The following SGK1 variants were observed in gnomAD, a reference collection of about 807,000 sequenced individuals.
SGK1 encodes serine/threonine-protein kinase Sgk1.
Under a neutral mutation model 64.2 loss-of-function variants are expected in SGK1, and 26 were observed. The observed-to-expected ratio is 0.40, with a 90% CI of 0.30 to 0.56. SGK1 has a LOEUF of 0.56. Ranked by LOEUF, SGK1 falls within the 20% of genes least tolerant of loss-of-function variation. The pLI is 0.38. For missense variants in SGK1, 519 were observed against 645.6 expected (o/e 0.80, Z 2.12); for synonymous variants, 265 against 239.7 (o/e 1.11, Z -0.98).
chr6:134,228,200 C>G (rs1776218541), intron 2 of SGK1, among the ~76,000 whole-genome samples: 1 of 152,084 alleles, frequency 6.6e-6, no homozygotes, highest in African/African-American at 2.4e-5. Flanking sequence ...GGTGATCCAC[C>G]CGCCTCGGCC....
chr6:134,232,417 A>AAGAGAGAGAGAGAGAGAG (rs1562259714), intron 2 of SGK1, among the ~76,000 whole-genome samples: 3 of 21,506 alleles, frequency 1.4e-4, no homozygotes, highest in African/African-American at 4.2e-4. Context: ...AAGAAAGAGA[A>AAGAGAGAGAGAGAGAGAG]AGAAAGAAAG....
chr6:134,249,885 T>C (rs1776580909), intron 2 of SGK1, among the ~76,000 whole-genome samples: 2 of 152,204 alleles, frequency 1.3e-5, no homozygotes, highest in Non-Finnish European at 2.9e-5. Flanking sequence ...AGAACCGTAA[T>C]GGTCATCAAT....
intron 2 of SGK1, among the ~76,000 whole-genome samples, chr6:134,212,080 G>A (rs1291607351): frequency 1.3e-5 from 2 of 150,620 alleles, no homozygotes; most frequent in East Asian, 2.0e-4. Context: ...GGGGGACGGA[G>A]TCTCTCTCTG....
intron 1 of SGK1, among the ~76,000 whole-genome samples, chr6:134,309,381 C>T (rs1045261319): frequency 1.3e-5 from 2 of 152,194 alleles, no homozygotes; most frequent in Non-Finnish European, 2.9e-5. Flanking sequence ...GCACCTCCTT[C>T]ACCTCCTCCA....
chr6:134,197,275 A>G (rs1298414711), intron 3 of SGK1, among the ~76,000 whole-genome samples: 2 of 152,134 alleles, frequency 1.3e-5, no homozygotes, highest in African/African-American at 2.4e-5. Context: ...CCTAATGTAC[A>G]GGAAATTATT....
chr6:134,199,970 A>G (rs1042515516), intron 3 of SGK1, among the ~76,000 whole-genome samples: 2 of 152,218 alleles, frequency 1.3e-5, no homozygotes, highest in African/African-American at 4.8e-5. Context: ...TCTCTAAGCA[A>G]AGAACATTAT....
chr6:134,216,585 C>T (rs1297600648), intron 2 of SGK1, among the ~76,000 whole-genome samples: 2 of 152,180 alleles, frequency 1.3e-5, no homozygotes, highest in Non-Finnish European at 2.9e-5. Context: ...TTTTAAGAAA[C>T]TACTACCCTA....
chr6:134,213,574 T>G lies in SGK1; in HGVS notation c.286-6143A>C, dbSNP rs866247453. ...AATGTCCTCATGAAACACCTGTGGC[T>G]TAGCATTCCAGCCTGGGTGACAAGA... On this transcript the variant is annotated intron_variant, in intron 2 of 13. Transcript: ENST00000367858. Among the ~76,000 whole-genome samples the G allele has an allele frequency of 1.7e-4, 18 of 104,938 alleles. 1 individual carries two copies. The highest frequency in any genetic ancestry group is 8.9e-4 in the African/African-American group (18 of 20,232). 68.8% of individuals were successfully genotyped at this position (104,938 alleles called of 152,430 possible).
intron 1 of SGK1, among the ~76,000 whole-genome samples, chr6:134,290,186 T>A (rs1317529020): frequency 6.8e-6 from 1 of 146,656 alleles, no homozygotes; most frequent in African/African-American, 2.5e-5. Flanking sequence ...TAGCTATGCA[T>A]GTTGGCATAC....
chr6:134,256,873 A>G (rs1422391297), intron 2 of SGK1, among the ~76,000 whole-genome samples: 1 of 152,200 alleles, frequency 6.6e-6, no homozygotes, highest in Admixed American at 6.6e-5. Context: ...TCCATGGGTA[A>G]AACATGTTTC....
chr6:134,298,283 T>C (rs1309426867), intron 1 of SGK1: 9 of 1,556,720 alleles, frequency 5.8e-6, no homozygotes, highest in Admixed American at 1.7e-5. Flanking sequence ...CTCTCGAACA[T>C]GTTGTCCATG....
At position 134,170,256 on chromosome 6, in the gene SGK1, C is replaced by T; in HGVS notation, c.*12G>A. 1.2e-6 allele frequency: 2 copies of T among 1,600,610 alleles called. No homozygotes were observed. The highest frequency in any genetic ancestry group is 2.2e-5 in the South Asian group (2 of 90,414). The stretch of plus-strand genomic sequence containing the variant: ...ACACATAAAATCCTTTAAAACCAAG[C>T]CCTAACAGGGTTCAGAGGAAAGAGT... On this transcript the variant is annotated 3_prime_UTR_variant, in exon 14 of 14. Coordinates refer to ENST00000367858, the MANE Select transcript of SGK1 (RefSeq NM_001143676.3).
intron 1 of SGK1, among the ~76,000 whole-genome samples, chr6:134,279,355 C>T (rs998580373): frequency 7.2e-5 from 11 of 151,906 alleles, no homozygotes; most frequent in African/African-American, 1.9e-4. Flanking sequence ...CACTTGAACC[C>T]GGGAGGTAGA....
At chr6:134,234,311 G>T (rs970141478) in intron 2 of SGK1, among the ~76,000 whole-genome samples, 8 of 152,186 alleles carry the variant, frequency 5.3e-5, no homozygotes, top group African/African-American at 1.9e-4. Context: ...GCTGAGGCAG[G>T]AGAATCGCTT....
At chr6:134,313,052 C>A (rs144868291) in intron 1 of SGK1, among the ~76,000 whole-genome samples, 1 of 152,172 alleles carries the variant, frequency 6.6e-6, no homozygotes, top group Admixed American at 6.6e-5. Context: ...GCATTACAGG[C>A]GTGAGCCAAC....
chr6:134,285,477 CAA>C (rs778766999), intron 1 of SGK1, among the ~76,000 whole-genome samples: 13,586 of 68,202 alleles, frequency 0.2, 750 homozygotes, highest in East Asian at 0.36. Context: ...GACTCTGCCT[CAA>C]AAAAAAAAAA....
intron 3 of SGK1, among the ~76,000 whole-genome samples, chr6:134,183,429 C>T (rs866920298): frequency 6.6e-6 from 1 of 152,236 alleles, no homozygotes; most frequent in Non-Finnish European, 1.5e-5. Context: ...ACTTTGTACC[C>T]ATTAATGTGA....
At chr6:134,195,316 T>C (rs940255866) in intron 3 of SGK1, among the ~76,000 whole-genome samples, 6 of 152,048 alleles carry the variant, frequency 3.9e-5, no homozygotes, top group Non-Finnish European at 1.5e-5. Flanking sequence ...AAAGAGAAAA[T>C]TGTAAGTTCC....
intron 3 of SGK1, among the ~76,000 whole-genome samples, chr6:134,205,271 G>A (rs1234605210): frequency 1.3e-5 from 2 of 152,150 alleles, no homozygotes; most frequent in African/African-American, 4.8e-5. Flanking sequence ...CTTGTTTATT[G>A]TGGTGGTATA....
Sources: allele counts gnomAD v4.1 joint callset (sites outside exome capture counted in the v4.1 genomes callset), GRCh38; gene constraint gnomAD v4.1.1; transcripts MANE v1.5; gene names NCBI Gene and HGNC (gene_info 2026-07-23, HGNC 2026-07-21).